CNOT10: variants seen among roughly 807,000 people sequenced by gnomAD.
CNOT10 encodes CCR4-NOT transcription complex, subunit 10.
Under a neutral mutation model 94.6 loss-of-function variants are expected in CNOT10, and 30 were observed. That is an observed-to-expected ratio of 0.32 (90% CI 0.24 to 0.43). The LOEUF (loss-of-function observed/expected upper bound fraction) is 0.43. Ranked by LOEUF, CNOT10 falls within the 20% of genes least tolerant of loss-of-function variation. The pLI is 1.00. For missense variants in CNOT10, 759 were observed against 877.2 expected, an observed-to-expected ratio of 0.87 and a Z score of 1.70; for synonymous variants, 289 against 301.6, an observed-to-expected ratio of 0.96 and a Z score of 0.43.
chr3:32,763,642 T>A (rs1172644302), intron 15 of CNOT10, among the ~76,000 whole-genome samples: 2 of 151,118 alleles, frequency 1.3e-5, no homozygotes, highest in Non-Finnish European at 3.0e-5. Context: ...AGAGCAAGAC[T>A]CTGTCTGAAG....
At chr3:32,730,442 G>A (rs189733588) in intron 10 of CNOT10, among the ~76,000 whole-genome samples, 50 of 151,756 alleles carry the variant, frequency 3.3e-4, no homozygotes, top group Non-Finnish European at 2.8e-4. Flanking sequence ...GATGACTTTC[G>A]GTTGCCATAA....
intron 1 of CNOT10, among the ~76,000 whole-genome samples, chr3:32,686,388 A>C (rs1361075506): frequency 6.6e-6 from 1 of 152,232 alleles, no homozygotes; most frequent in Non-Finnish European, 1.5e-5. Context: ...TGTGGATTTT[A>C]GTAGGTTCTG....
intron 13 of CNOT10, among the ~76,000 whole-genome samples, chr3:32,752,751 G>A (rs1274113913): frequency 2.0e-5 from 3 of 152,082 alleles, no homozygotes; most frequent in Admixed American, 6.6e-5. Flanking sequence ...CGAGGTGGGC[G>A]GATCACCTGA....
intron 3 of CNOT10, among the ~76,000 whole-genome samples, chr3:32,706,111 C>T (rs1306981083): frequency 6.6e-6 from 1 of 152,170 alleles, no homozygotes; most frequent in Non-Finnish European, 1.5e-5. Context: ...CCTTCTGACT[C>T]TTGAGCCTGT....
chr3:32,708,509 T>C (rs1697726564), intron 3 of CNOT10, among the ~76,000 whole-genome samples, 161 bp from the exon 4 acceptor site: 1 of 152,234 alleles, frequency 6.6e-6, no homozygotes, highest in Non-Finnish European at 1.5e-5. Context: ...AAATAATTTT[T>C]AGTATGTGAG....
intron 13 of CNOT10, among the ~76,000 whole-genome samples, chr3:32,755,496 C>A (rs906556799): frequency 1.9e-4 from 29 of 151,440 alleles, no homozygotes; most frequent in African/African-American, 5.1e-4. Context: ...CTTTTTGTAT[C>A]ATTATTGGAT....
intron 8 of CNOT10, among the ~76,000 whole-genome samples, chr3:32,720,682 A>G (rs921091280): frequency 3.3e-5 from 5 of 151,576 alleles, no homozygotes; most frequent in Non-Finnish European, 7.4e-5. Flanking sequence ...ACAAGGTCTC[A>G]TTATGTTGCC....
rs573336653 is a variant in CNOT10, at chr3:32,704,893, C to T, written c.200C>T (p.Thr67Ile). 1.3e-6 allele frequency: 2 copies of T among 1,569,376 alleles called. No homozygotes were observed. The highest frequency in any genetic ancestry group is 2.3e-5 in the East Asian group (1 of 42,854). The change falls in exon 3 of 19, where the codon ACA becomes ATA. Residue 67 changes from threonine (T) to isoleucine (I), a missense_variant. Transcript: ENST00000328834. ...GATGATTATAAAATAATTTTGAATACAGCAGTAGCTGAGTTTTTTAAAAGT... is the reference window on the plus strand; with the variant it reads ...GATGATTATAAAATAATTTTGAATATAGCAGTAGCTGAGTTTTTTAAAAGT... ...NKDDYKIILNTAVAEFFKSNQ... is the reference protein window; with the variant it reads ...NKDDYKIILNIAVAEFFKSNQ...
rs763545278 is a variant in CNOT10 at position 32,716,271 on chromosome 3, G to T, written c.620G>T (p.Ser207Ile). The change falls in exon 6 of 19, where the codon AGT becomes ATT. Residue 207 changes from serine (S) to isoleucine (I), a missense_variant. By Grantham distance (142) the Ser-to-Ile change is moderately radical (BLOSUM62 -2). Transcript: ENST00000328834. Reference sequence around the variant, plus strand: ...GATGGATCTAATCATAAAGCTGAAAGTGGAGCTCTAATAGAAGCTGCAAAA... The same window carrying T: ...GATGGATCTAATCATAAAGCTGAAATTGGAGCTCTAATAGAAGCTGCAAAA... ...NKDGSNHKAESGALIEAAKSK... is the reference protein window; with the variant it reads ...NKDGSNHKAEIGALIEAAKSK... 13 of 1,605,604 alleles carry T rather than the reference G, an allele frequency of 8.1e-6. No individual in the cohort carries two copies. In the East Asian group the frequency reaches 2.9e-4, roughly 36 times the overall value.
intron 9 of CNOT10, among the ~76,000 whole-genome samples, chr3:32,725,927 AGTTTTGTTTTGTTTT>A (rs33937831): frequency 8.6e-4 from 129 of 149,814 alleles, no homozygotes; most frequent in Non-Finnish European, 1.4e-3. Flanking sequence ...GGTTTATTAT[AGTTTTGTTTTGTTTT>A]GTTTTGTTTT....
At chr3:32,714,265 T>G (rs1193318790) in intron 5 of CNOT10, among the ~76,000 whole-genome samples, 1 of 152,170 alleles carries the variant, frequency 6.6e-6, no homozygotes, top group Non-Finnish European at 1.5e-5. Context: ...TCCTAATGAC[T>G]AAGGATGTAC....
chr3:32,767,137 A>G (rs1457056401), intron 17 of CNOT10, among the ~76,000 whole-genome samples: 1 of 152,218 alleles, frequency 6.6e-6, no homozygotes, highest in Admixed American at 6.5e-5. Flanking sequence ...ATCAAATGGT[A>G]CATTCTCCAG....
At chr3:32,711,177 A>T (rs1697872808) in intron 4 of CNOT10, among the ~76,000 whole-genome samples, 1 of 152,118 alleles carries the variant, frequency 6.6e-6, no homozygotes, top group East Asian at 1.9e-4. Context: ...GCAACATAAT[A>T]AAAAAACAGC....
chr3:32,717,273 GTCTT>G (rs1698165594), intron 7 of CNOT10, 36 bp downstream of exon 7: 1 of 1,175,518 alleles, frequency 8.5e-7, no homozygotes, highest in African/African-American at 1.5e-5. Context: ...TTCAATTTGT[GTCTT>G]TCTTATTTAG....
chr3:32,756,579 T>C (rs1015888856), intron 13 of CNOT10, among the ~76,000 whole-genome samples: 10 of 152,082 alleles, frequency 6.6e-5, no homozygotes, highest in Admixed American at 6.6e-4. Flanking sequence ...AAAGTCCCAT[T>C]TGTGGGAGCT....
In CNOT10 at chr3:32,719,336, T is replaced by A. The variant is rs1575235043; in HGVS notation, c.745-778T>A. 2.0e-5 allele frequency among the ~76,000 whole-genome samples: 3 copies of A among 151,312 alleles called. No homozygotes were observed. The South Asian group carries it at 6.3e-4, about 32-fold the overall frequency. ...TCAGGAGGCTGAGGCAGGAGAATTG[T>A]TTGAACCTAGGAGGCGGAGGTTGCA... On this transcript the variant is annotated intron_variant, in intron 7 of 18. Transcript: ENST00000328834.
chr3:32,763,214 G>A (rs868041376), intron 15 of CNOT10, among the ~76,000 whole-genome samples: 1 of 152,120 alleles, frequency 6.6e-6, no homozygotes, highest in Non-Finnish European at 1.5e-5. Flanking sequence ...GCTCACGCCT[G>A]TAATCCCAGC....
intron 3 of CNOT10, among the ~76,000 whole-genome samples, chr3:32,707,149 A>G (rs1019341171): frequency 6.6e-6 from 1 of 152,216 alleles, no homozygotes; most frequent in Admixed American, 6.5e-5. Context: ...TTTTAATACA[A>G]GTAGACTTCC....
At chr3:32,749,007 A>G (rs547567957) in intron 13 of CNOT10, among the ~76,000 whole-genome samples, 5 of 152,104 alleles carry the variant, frequency 3.3e-5, no homozygotes, top group East Asian at 1.9e-4. Flanking sequence ...TTTTTAGTAG[A>G]GATGGGGTTT....
Sources: allele counts gnomAD v4.1 joint callset (sites outside exome capture counted in the v4.1 genomes callset), GRCh38; gene constraint gnomAD v4.1.1; transcripts MANE v1.5; gene names NCBI Gene and HGNC (gene_info 2026-07-23, HGNC 2026-07-21).